The following FNBP1 variants were observed in gnomAD, a reference collection of about 807,000 sequenced individuals.
FNBP1 encodes formin-binding protein 1.
A neutral mutation model predicts 90.6 loss-of-function variants in FNBP1; 26 were observed. That is an observed-to-expected ratio of 0.29 (90% CI 0.21 to 0.40). The LOEUF (loss-of-function observed/expected upper bound fraction) is 0.40, where lower values mean the gene tolerates loss of function less well. FNBP1 is among the 10% of genes least tolerant of loss of function. FNBP1 has a pLI of 1.00. For synonymous variants in FNBP1, 260 were observed against 265.2 expected (o/e 0.98, Z 0.19); for missense variants, 635 against 768.0 (o/e 0.83, Z 2.05).
At chr9:129,993,479 T>TAAA (rs71385500) in intron 2 of FNBP1, among the ~76,000 whole-genome samples, 38 of 141,142 alleles carry the variant, frequency 2.7e-4, no homozygotes, top group South Asian at 1.3e-3. Flanking sequence ...CCAAAGTACT[T>TAAA]AAAAAAAAAA....
At chr9:130,010,364 T>G (rs1435591672) in intron 1 of FNBP1, among the ~76,000 whole-genome samples, 1 of 152,158 alleles carries the variant, frequency 6.6e-6, no homozygotes, top group Non-Finnish European at 1.5e-5. Flanking sequence ...GCTAACCAGA[T>G]GTAGCAGATA....
chr9:129,979,306 T>A lies in FNBP1; in HGVS notation c.197+12A>T. 6.4e-7 allele frequency: 1 copy of A among 1,556,800 alleles called. No individual in the cohort carries two copies. Among genetic ancestry groups the A allele is most frequent in the Non-Finnish European group, 8.8e-7 (1 of 1,130,286 alleles). ...GTGTCTATTACAAGACAATTTTCAA[T>A]GGTAAACATACTTGTATTCTTCTTC... On this transcript the variant is annotated intron_variant, in intron 3 of 16. Transcript: ENST00000446176.
rs138991769 is a variant in FNBP1, at chr9:129,900,032, G to A, written c.1620C>T (p.Asp540=). The A allele has an allele frequency of 4.4e-4, 708 of 1,613,392 alleles. 5 individuals carry two copies. The African/African-American group carries it at 7.6e-3, about 17-fold the overall frequency. ...GGGGCTCCTCATCATCAAACTCGTC[G>A]TCAAAATCCGTGGCCAGCACCTTCA... ...SEMKVLATDF[D]DEFDDEEPLP... Residue 540 remains aspartate (D), a synonymous_variant, in exon 15 of 17, where the codon GAC becomes GAT. Transcript: ENST00000446176. This position sits in a 1 kb window ranked among gnomAD's most constrained non-coding sequence, Gnocchi z 4.1.
chr9:130,043,019 T>C lies in FNBP1; in HGVS notation c.-44A>G. On this transcript the variant is annotated 5_prime_UTR_variant, in exon 1 of 17. Coordinates refer to ENST00000446176, the MANE Select transcript of FNBP1 (RefSeq NM_015033.3). The stretch of plus-strand genomic sequence containing the variant: ...GGGCGCTCCGCGCGGCGGGCGCGGC[T>C]CTCTGGTCCCCCTCCCCGGCGATCC... The C allele has an allele frequency of 8.2e-7, 1 of 1,223,272 alleles. No homozygotes were observed. The highest frequency in any genetic ancestry group is 1.0e-6 in the Non-Finnish European group (1 of 982,500). 75.8% of individuals were successfully genotyped at this position (1,223,272 alleles called of 1,614,324 possible).
At chr9:129,999,063 G>T (rs2054445156) in intron 1 of FNBP1, among the ~76,000 whole-genome samples, 1 of 152,110 alleles carries the variant, frequency 6.6e-6, no homozygotes, top group African/African-American at 2.4e-5. Flanking sequence ...ACAGCAGCTA[G>T]AAGAAAATTC....
chr9:130,044,424 G>C (rs368023999), upstream of FNBP1, among the ~76,000 whole-genome samples: 9 of 151,458 alleles, frequency 5.9e-5, no homozygotes, highest in East Asian at 1.6e-3. Context: ...AGGAATTTGA[G>C]ACCAGCCTGG....
chr9:129,970,221 T>G (rs985663150), intron 4 of FNBP1, among the ~76,000 whole-genome samples: 3 of 150,278 alleles, frequency 2.0e-5, no homozygotes, highest in Admixed American at 2.0e-4. Context: ...TTTATTATTT[T>G]TTTTAGACTG....
intron 1 of FNBP1, among the ~76,000 whole-genome samples, chr9:130,026,417 C>T (rs563707395): frequency 3.7e-4 from 56 of 152,150 alleles, no homozygotes; most frequent in African/African-American, 1.1e-3. Flanking sequence ...TCGCTTGAAC[C>T]TGGGAGGCGG....
chr9:129,896,029 C>G (rs2035670942), intron 15 of FNBP1, 33 bp from the exon 16 acceptor site: 2 of 1,566,354 alleles, frequency 1.3e-6, no homozygotes, highest in South Asian at 2.4e-5. Context: ...TGTTAGATGT[C>G]TTGGCAAATG....
intron 12 of FNBP1, among the ~76,000 whole-genome samples, chr9:129,907,275 G>T (rs2038278948): frequency 6.6e-6 from 1 of 151,868 alleles, no homozygotes; most frequent in South Asian, 2.1e-4. Flanking sequence ...TAATTTTTTG[G>T]TCCATTCTGA....
At position 129,890,563 on chromosome 9, in the gene FNBP1, A is replaced by T; in HGVS notation, c.1847-17T>A. On this transcript the variant is annotated splice_polypyrimidine_tract_variant and intron_variant, in intron 16 of 16. Transcript: ENST00000446176. This position sits in a 1 kb window ranked among gnomAD's most constrained non-coding sequence, Gnocchi z 5.8. ...TCTAGGAATCTACAACACAAAGAGA[A>T]ACAGAAAGAGAAACTCTCTGTTAGA... 6.3e-7 allele frequency: 1 copy of T among 1,579,298 alleles called. No homozygotes were observed. Among genetic ancestry groups the T allele is most frequent in the East Asian group, 2.3e-5 (1 of 42,830 alleles).
the FNBP1 span, among the ~76,000 whole-genome samples, chr9:130,048,460 G>T: frequency 6.8e-6 from 1 of 147,230 alleles, no homozygotes; most frequent in African/African-American, 2.5e-5. Context: ...AGCTTTGGCT[G>T]AATTACTTTC....
In FNBP1 at chr9:129,902,952, C is replaced by T; in HGVS notation, c.1345G>A (p.Gly449Arg). The part of the protein sequence containing the change: ...KDVYLKNPQM[G>R]DPASLDHKLA... ...TTGTGATCCAAACTGGCTGGGTCTC[C>T]CATCTGAGGATTCTTTAGGTAGACA... The change falls in exon 13 of 17, where the codon GGA becomes AGA. Residue 449 changes from glycine to arginine, a missense_variant. By Grantham distance (125) the Gly-to-Arg change is moderately radical. Coordinates refer to ENST00000446176, the MANE Select transcript of FNBP1 (RefSeq NM_015033.3). The T allele has an allele frequency of 6.2e-7, 1 of 1,607,610 alleles. No individual in the cohort carries two copies. The highest frequency in any genetic ancestry group is 8.5e-7 in the Non-Finnish European group (1 of 1,176,726).
chr9:130,006,215 G>T (rs2131565235), intron 1 of FNBP1, among the ~76,000 whole-genome samples: 1 of 152,292 alleles, frequency 6.6e-6, no homozygotes, highest in Admixed American at 6.5e-5. Flanking sequence ...GGCCAAGGCG[G>T]GTGGATCACT....
intron 6 of FNBP1, among the ~76,000 whole-genome samples, chr9:129,941,198 G>A (rs1242578701): frequency 6.6e-6 from 1 of 151,852 alleles, no homozygotes; most frequent in Admixed American, 6.6e-5. Context: ...AGACCAGTCT[G>A]GCAAACATGG....
At chr9:129,927,400 T>C in intron 7 of FNBP1, 59 bp from the exon 8 acceptor site, 1 of 1,552,794 alleles carries the variant, frequency 6.4e-7, no homozygotes, top group South Asian at 1.2e-5. Flanking sequence ...ACAAAGTTGT[T>C]TTTCGGCAGC....
intron 1 of FNBP1, among the ~76,000 whole-genome samples, chr9:129,997,735 G>T (rs2054214983): frequency 1.3e-5 from 2 of 152,150 alleles, no homozygotes; most frequent in African/African-American, 4.8e-5. Flanking sequence ...TGTAGCCCCA[G>T]CTACTAGGGA....
At chr9:130,018,069 A>G (rs1589290822) in intron 1 of FNBP1, among the ~76,000 whole-genome samples, 3 of 150,730 alleles carry the variant, frequency 2.0e-5, no homozygotes, top group Non-Finnish European at 3.0e-5. Flanking sequence ...ACCTGCCACC[A>G]CGCCTGGCTA....
chr9:129,984,752 C>T (rs1242634070), intron 2 of FNBP1, among the ~76,000 whole-genome samples: 1 of 152,128 alleles, frequency 6.6e-6, no homozygotes, highest in Non-Finnish European at 1.5e-5. Context: ...CGGTCTTTCC[C>T]GTGCTATTCT....
Sources: gnomAD v4.1 joint callset for allele counts (sites outside exome capture counted in the v4.1 genomes callset) on GRCh38, gnomAD v4.1.1 for gene constraint, Gnocchi (gnomAD v3.1) non-coding constraint, MANE v1.5 for transcripts, NCBI Gene and HGNC (gene_info 2026-07-23, HGNC 2026-07-21) for gene names.